The following DTWD1 variants were observed in gnomAD, a reference collection of about 807,000 sequenced individuals.
DTWD1 encodes the protein tRNA-uridine aminocarboxypropyltransferase 1.
DTWD1 carries 27 observed loss-of-function variants against 30.2 expected under a neutral mutation model. That is an observed-to-expected ratio of 0.90 (90% CI 0.66 to 1.23). The LOEUF is 1.23. Ranked by LOEUF, DTWD1 falls within the 50% of genes most tolerant of loss-of-function variation. The pLI, the probability that DTWD1 is intolerant of heterozygous loss-of-function variation, is 0.00. For synonymous variants in DTWD1, 99 were observed against 113.1 expected, an observed-to-expected ratio of 0.88 and a Z score of 0.79; for missense variants, 342 against 348.8, an observed-to-expected ratio of 0.98 and a Z score of 0.15.
intron 1 of DTWD1, among the ~76,000 whole-genome samples, chr15:49,623,430 T>A (rs1347331242): frequency 1.3e-5 from 2 of 151,978 alleles, no homozygotes; most frequent in Non-Finnish European, 2.9e-5. Flanking sequence ...CCCAAGCTTT[T>A]TTTTTTTCTC....
rs2079116521 is a variant in DTWD1 at position 49,646,071 on chromosome 15, G to A, written c.*2493G>A. On this transcript the variant is annotated 3_prime_UTR_variant, in exon 5 of 5. Coordinates refer to ENST00000403028, the MANE Select transcript of DTWD1 (RefSeq NM_001144955.2). Reference sequence around the variant, plus strand: ...TGCTGTTGACATAAGAATATGCATGGCTGAGTTAGCCTGCTGGAGCATGAG... The same window carrying A: ...TGCTGTTGACATAAGAATATGCATGACTGAGTTAGCCTGCTGGAGCATGAG... 6.6e-6 allele frequency: 1 copy of A among 152,134 alleles called. No homozygotes were observed. Among genetic ancestry groups the A allele is most frequent in the Non-Finnish European group, 1.5e-5 (1 of 68,026 alleles). The allele number at this position is 152,134 out of a possible 1,614,324, so 9.4% of individuals were successfully genotyped here. A position where few individuals can be genotyped will look rare whatever the true frequency, so the allele number is the denominator to read the frequency against.
chr15:49,625,827 A>G (rs1048456871), intron 2 of DTWD1, among the ~76,000 whole-genome samples: 1 of 152,150 alleles, frequency 6.6e-6, no homozygotes, highest in Non-Finnish European at 1.5e-5. Flanking sequence ...TGGTCTGTCC[A>G]CTATAGTATA....
At chr15:49,625,909 G>A (rs1020071040) in intron 2 of DTWD1, among the ~76,000 whole-genome samples, 4 of 152,108 alleles carry the variant, frequency 2.6e-5, no homozygotes, top group Non-Finnish European at 5.9e-5. Context: ...GGCTGGAAAC[G>A]AGAGTACAAG....
rs1318363761 is a variant in DTWD1, at chr15:49,653,616, T to G, written c.*10038T>G. The G allele has an allele frequency of 6.6e-6, 1 of 152,108 alleles. No homozygotes were observed. Among genetic ancestry groups the G allele is most frequent in the East Asian group, 1.9e-4 (1 of 5,174 alleles). 9.4% of individuals were successfully genotyped at this position (152,108 alleles called of 1,614,324 possible). A position where few individuals can be genotyped will look rare whatever the true frequency, so the allele number is the denominator to read the frequency against. On this transcript the variant is annotated 3_prime_UTR_variant, in exon 5 of 5. Coordinates refer to ENST00000403028, the MANE Select transcript of DTWD1 (RefSeq NM_001144955.2). ...TAAATTATTGAATTATTGAAATAAATGGAGGATTGAGTTATGCATTGACAG... is the reference window on the plus strand; with the variant it reads ...TAAATTATTGAATTATTGAAATAAAGGGAGGATTGAGTTATGCATTGACAG...
chr15:49,629,375 T>G (rs1464196052), intron 2 of DTWD1, among the ~76,000 whole-genome samples: 1 of 152,200 alleles, frequency 6.6e-6, no homozygotes, highest in Non-Finnish European at 1.5e-5. Flanking sequence ...GGCACATGAT[T>G]TATAAAATTT....
intron 4 of DTWD1, among the ~76,000 whole-genome samples, chr15:49,637,162 C>T (rs528049571): frequency 6.6e-6 from 1 of 152,146 alleles, no homozygotes; most frequent in Non-Finnish European, 1.5e-5. Flanking sequence ...TCTCTTTCCA[C>T]CCCTTTTTGA....
rs1366412968 is a variant in DTWD1 at position 49,634,446 on chromosome 15, C to CAT, written c.409-87_409-86dup. The CAT allele has an allele frequency of 2.2e-6, 3 of 1,357,640 alleles. No individual in the cohort carries two copies. The African/African-American group carries it at 4.4e-5, about 20-fold the overall frequency. The allele number at this position is 1,357,640 out of a possible 1,614,324, so 84.1% of individuals were successfully genotyped here. On this transcript the variant is annotated intron_variant, in intron 3 of 4. Transcript: ENST00000403028. ...TAATGCTTATTTCTCAGATATTCAA[C>CAT]ATATCTTTCTTAAAATTTTAAGTCA...
intron 2 of DTWD1, chr15:49,629,889 C>G (rs2078895784): frequency 6.6e-6 from 1 of 152,078 alleles, no homozygotes; most frequent in Non-Finnish European, 1.5e-5. Flanking sequence ...TTGAGGAATT[C>G]ATTTGTAGGC....
chr15:49,635,382 G>T (rs921127165), intron 4 of DTWD1, among the ~76,000 whole-genome samples: 1 of 152,068 alleles, frequency 6.6e-6, no homozygotes, highest in African/African-American at 2.4e-5. Context: ...TATTAATAAA[G>T]AATGACATCT....
At chr15:49,636,873 T>C (rs1467608053) in intron 4 of DTWD1, among the ~76,000 whole-genome samples, 6 of 152,150 alleles carry the variant, frequency 3.9e-5, no homozygotes, top group Admixed American at 6.5e-5. Flanking sequence ...ATTACTTGAT[T>C]AAAGTGGTGA....
rs2079130874 is a variant in DTWD1, at chr15:49,647,962, A to T, written c.*4384A>T. 2 of 152,174 alleles carry T rather than the reference A, an allele frequency of 1.3e-5. No homozygotes were observed. The highest frequency in any genetic ancestry group is 2.4e-5 in the African/African-American group (1 of 41,472). The allele number at this position is 152,174 out of a possible 1,614,324, so 9.4% of individuals were successfully genotyped here. A position where few individuals can be genotyped will look rare whatever the true frequency, so the allele number is the denominator to read the frequency against. The stretch of plus-strand genomic sequence containing the variant: ...AAGAGTTGAAGATAAAATATAGCAT[A>T]AGAATAGAAAATTCTGAATTCCAAA... On this transcript the variant is annotated 3_prime_UTR_variant, in exon 5 of 5. Transcript: ENST00000403028.
At chr15:49,631,914 G>T in intron 2 of DTWD1, 1 of 452,304 alleles carries the variant, frequency 2.2e-6, no homozygotes, top group Non-Finnish European at 4.0e-6. Context: ...TTTGCTTTAA[G>T]AGAAGATTCT....
At chr15:49,642,000 G>A (rs2079071126) in intron 4 of DTWD1, among the ~76,000 whole-genome samples, 1 of 152,232 alleles carries the variant, frequency 6.6e-6, no homozygotes, top group African/African-American at 2.4e-5. Flanking sequence ...AAAAGTCATA[G>A]TCATTATCTC....
chr15:49,633,783 A>G (rs1202647926), intron 3 of DTWD1, among the ~76,000 whole-genome samples: 1 of 152,206 alleles, frequency 6.6e-6, no homozygotes, highest in Non-Finnish European at 1.5e-5. Flanking sequence ...TATTCATTTA[A>G]CAAATATTTA....
chr15:49,621,304 G>A (rs1272821571), intron 1 of DTWD1, 182 bp downstream of exon 1: 1 of 151,958 alleles, frequency 6.6e-6, no homozygotes, highest in Non-Finnish European at 1.5e-5. Context: ...CTTTTTTTAG[G>A]ATCTTGCGGG....
At chr15:49,627,506 T>G (rs1380049960) in intron 2 of DTWD1, among the ~76,000 whole-genome samples, 1 of 152,172 alleles carries the variant, frequency 6.6e-6, no homozygotes, top group Non-Finnish European at 1.5e-5. Context: ...AAATGTGTCC[T>G]GAGAAATGAG....
chr15:49,653,897 A>C lies in DTWD1; in HGVS notation c.*10319A>C, dbSNP rs992121873. 1 of 152,112 alleles carries C rather than the reference A, an allele frequency of 6.6e-6. No homozygotes were observed. Among genetic ancestry groups the C allele is most frequent in the Non-Finnish European group, 1.5e-5 (1 of 68,020 alleles). 9.4% of individuals were successfully genotyped at this position (152,112 alleles called of 1,614,324 possible). A position where few individuals can be genotyped will look rare whatever the true frequency, so the allele number is the denominator to read the frequency against. On this transcript the variant is annotated 3_prime_UTR_variant, in exon 5 of 5. Transcript: ENST00000403028. The stretch of plus-strand genomic sequence containing the variant: ...TTATAGAAAAGGAAAAATAGATGGA[A>C]GATGGAGCCAAAATCCCAGAGGGAG...
intron 1 of DTWD1, 117 bp from the exon 2 acceptor site, chr15:49,624,996 T>C: frequency 1.6e-6 from 1 of 631,440 alleles, no homozygotes; most frequent in South Asian, 2.3e-5. Context: ...TTAAAACATG[T>C]TTAATAAGTA....
intron 2 of DTWD1, among the ~76,000 whole-genome samples, chr15:49,626,070 C>G (rs532329681): frequency 3.9e-4 from 60 of 152,058 alleles, no homozygotes; most frequent in African/African-American, 1.4e-3. Context: ...GTCTCTGGGT[C>G]TGAAATGGTG....
Sources: allele counts gnomAD v4.1 joint callset (sites outside exome capture counted in the v4.1 genomes callset), GRCh38; gene constraint gnomAD v4.1.1; transcripts MANE v1.5; gene names NCBI Gene and HGNC (gene_info 2026-07-23, HGNC 2026-07-21).